Variants in WNT2B observed in about 807,000 individuals in gnomAD.
WNT2B encodes the protein Wnt family member 2B.
A neutral mutation model predicts 40.5 loss-of-function variants in WNT2B; 19 were observed. The ratio of observed to expected loss-of-function variants is 0.47; its 90% CI spans 0.33 to 0.69. The LOEUF (loss-of-function observed/expected upper bound fraction) is 0.69. Ranked by LOEUF, WNT2B falls within the 30% of genes least tolerant of loss-of-function variation. WNT2B has a pLI of 0.02. For missense variants in WNT2B, 467 were observed against 556.4 expected (o/e 0.84, Z 1.62); for synonymous variants, 220 against 211.9 (o/e 1.04, Z -0.33).
intron 4 of WNT2B, among the ~76,000 whole-genome samples, chr1:112,518,696 T>C (rs1557923674): frequency 6.6e-6 from 1 of 152,144 alleles, no homozygotes; most frequent in South Asian, 2.1e-4. Context: ...GGAAGGAACT[T>C]TGGAGTTAGG....
chr1:112,473,963 G>A (rs761693306), intron 1 of WNT2B, among the ~76,000 whole-genome samples: 1 of 149,482 alleles, frequency 6.7e-6, no homozygotes, highest in Non-Finnish European at 1.5e-5. Flanking sequence ...TACTCGGGAA[G>A]CTGAGGCAGG....
rs1654100128 is a variant in WNT2B, at chr1:112,529,924, T to A, written c.*9415T>A. ...TTGAACAGGAATGCAGATGAATGGA[T>A]GAAAGTGGGCTCCCTACCACCCAGA... On this transcript the variant is annotated 3_prime_UTR_variant, in exon 5 of 5. Coordinates refer to ENST00000369684, the MANE Select transcript of WNT2B (RefSeq NM_024494.3). The A allele has an allele frequency of 6.6e-6, 1 of 152,180 alleles. No individual in the cohort carries two copies. The highest frequency in any genetic ancestry group is 1.5e-5 in the Non-Finnish European group (1 of 68,038). 9.4% of individuals were successfully genotyped at this position (152,180 alleles called of 1,614,324 possible).
intron 1 of WNT2B, among the ~76,000 whole-genome samples, chr1:112,471,984 A>G (rs141978628): frequency 6.2e-4 from 95 of 152,368 alleles, no homozygotes; most frequent in Non-Finnish European, 1.2e-3. Flanking sequence ...AAAGATAGAT[A>G]TATGGTTTTT....
chr1:112,485,039 G>A (rs948410637), intron 1 of WNT2B, among the ~76,000 whole-genome samples: 3 of 152,122 alleles, frequency 2.0e-5, no homozygotes, highest in African/African-American at 7.2e-5. Flanking sequence ...CTTTTTTGTA[G>A]AAATTGACAA....
At chr1:112,502,945 TTGAG>T (rs1368631314) in intron 1 of WNT2B, among the ~76,000 whole-genome samples, 3 of 152,110 alleles carry the variant, frequency 2.0e-5, no homozygotes, top group Admixed American at 6.5e-5. Flanking sequence ...GAGGAGAACT[TTGAG>T]TGTCCTGCCT....
intron 1 of WNT2B, among the ~76,000 whole-genome samples, chr1:112,496,495 T>C (rs1651774694): frequency 6.6e-6 from 1 of 152,168 alleles, no homozygotes; most frequent in Non-Finnish European, 1.5e-5. Flanking sequence ...GCATGATTCA[T>C]CCTGAGGCAA....
At chr1:112,492,798 T>C (rs1471032358) in intron 1 of WNT2B, among the ~76,000 whole-genome samples, 1 of 152,172 alleles carries the variant, frequency 6.6e-6, no homozygotes, top group Admixed American at 6.6e-5. Flanking sequence ...AACCATCCTA[T>C]ACTACCTAAG....
chr1:112,530,058 G>A lies in WNT2B; in HGVS notation c.*9549G>A, dbSNP rs1464535828. On this transcript the variant is annotated 3_prime_UTR_variant, in exon 5 of 5. Coordinates refer to ENST00000369684, the MANE Select transcript of WNT2B (RefSeq NM_024494.3). ...GGAGATGTGTATTTTGTTAACCTAG[G>A]CAAAGAATAACAATTTCTGCTTATT... The A allele has an allele frequency of 6.6e-6, 1 of 152,164 alleles. No individual in the cohort carries two copies. The highest frequency in any genetic ancestry group is 1.5e-5 in the Non-Finnish European group (1 of 68,038). 9.4% of individuals were successfully genotyped at this position (152,164 alleles called of 1,614,324 possible).
At chr1:112,517,036 G>C in intron 3 of WNT2B, 85 bp from the exon 4 acceptor site, 1 of 1,535,380 alleles carries the variant, frequency 6.5e-7, no homozygotes, top group Non-Finnish European at 8.8e-7. Flanking sequence ...GCCTATCTCA[G>C]AGCACTCATC....
At chr1:112,469,640 G>A (rs1327716681) in intron 1 of WNT2B, among the ~76,000 whole-genome samples, 1 of 148,316 alleles carries the variant, frequency 6.7e-6, no homozygotes, top group Non-Finnish European at 1.5e-5. Flanking sequence ...TTTTTTTTGA[G>A]ACGGAGCTCT....
chr1:112,508,993 G>T lies in WNT2B; in HGVS notation c.-270G>T. ...CACTAGGCCCGCAGCTCCCTTCAGC[G>T]CCGCAGACCCCCTGACACCGCACCC... On this transcript the variant is annotated 5_prime_UTR_variant, in exon 1 of 5. Coordinates refer to ENST00000369684, the MANE Select transcript of WNT2B (RefSeq NM_024494.3). This position sits in a 1 kb window ranked among gnomAD's most constrained non-coding sequence, Gnocchi z 4.2. 3.1e-6 allele frequency: 4 copies of T among 1,298,742 alleles called. No individual in the cohort carries two copies. Among genetic ancestry groups the T allele is most frequent in the Non-Finnish European group, 3.9e-6 (4 of 1,029,516 alleles). The allele number at this position is 1,298,742 out of a possible 1,614,324, so 80.5% of individuals were successfully genotyped here.
At chr1:112,478,876 T>C (rs776626238) in intron 1 of WNT2B, among the ~76,000 whole-genome samples, 22 of 151,942 alleles carry the variant, frequency 1.4e-4, no homozygotes, top group Non-Finnish European at 2.9e-4. Flanking sequence ...TGAGGCATGA[T>C]CACACCACAG....
At chr1:112,471,421 T>A (rs1000895501) in intron 1 of WNT2B, among the ~76,000 whole-genome samples, 1 of 152,226 alleles carries the variant, frequency 6.6e-6, no homozygotes, top group Non-Finnish European at 1.5e-5. Flanking sequence ...GTATTTCCCA[T>A]AACTTCTCTG....
chr1:112,499,651 A>T (rs1651886441), intron 1 of WNT2B, among the ~76,000 whole-genome samples: 1 of 152,230 alleles, frequency 6.6e-6, no homozygotes. Context: ...CAATTTGATT[A>T]AAAAACAGGT....
Position 112,478,878 on chromosome 1 carries a change from A to G in WNT2B, c.-95+11287A>G, listed in dbSNP as rs1651131899. On this transcript the variant is annotated intron_variant, in intron 1 of 4. Transcript: ENST00000256640. ...TTTGAAGTTGCAGTGAGGCATGATC[A>G]CACCACAGCACTCTAGCTTGGGCAA... is the stretch of plus-strand genomic sequence containing the variant. Among the ~76,000 whole-genome samples, 4 of 151,854 alleles carry G rather than the reference A, an allele frequency of 2.6e-5. No individual in the cohort carries two copies. The South Asian group carries it at 8.4e-4, about 32-fold the overall frequency.
rs976788077 is a variant in WNT2B at position 112,525,703 on chromosome 1, A to G, written c.*5194A>G. Reference sequence around the variant, plus strand: ...CATTAGAGTTCTTTCTCTTTGACCAAAGGAGCCAAAATGCGGTGACTTGAC... The same window carrying G: ...CATTAGAGTTCTTTCTCTTTGACCAGAGGAGCCAAAATGCGGTGACTTGAC... On this transcript the variant is annotated 3_prime_UTR_variant, in exon 5 of 5. Transcript: ENST00000369684. 10 of 235,488 alleles carry G rather than the reference A, an allele frequency of 4.2e-5. No individual in the cohort carries two copies. In the Admixed American group the frequency reaches 5.0e-4, roughly 12 times the overall value. The allele number at this position is 235,488 out of a possible 1,614,324, so 14.6% of individuals were successfully genotyped here. A position where few individuals can be genotyped will look rare whatever the true frequency, so the allele number is the denominator to read the frequency against.
intron 1 of WNT2B, among the ~76,000 whole-genome samples, chr1:112,479,992 G>A (rs866226224): frequency 3.3e-5 from 5 of 151,888 alleles, no homozygotes; most frequent in African/African-American, 7.3e-5. Context: ...GATTACAGAC[G>A]TGAGCCACTG....
intron 1 of WNT2B, among the ~76,000 whole-genome samples, chr1:112,469,894 G>A (rs1332447643): frequency 1.3e-5 from 2 of 152,316 alleles, no homozygotes; most frequent in Non-Finnish European, 2.9e-5. Flanking sequence ...GATTACAGGT[G>A]TGAGTCGCCG....
At chr1:112,519,898 C>CAA (rs987725277) in intron 4 of WNT2B, among the ~76,000 whole-genome samples, 2 of 77,124 alleles carry the variant, frequency 2.6e-5, no homozygotes, top group African/African-American at 8.9e-5. Context: ...TTTTTGGAGA[C>CAA]AGAGTTTCAC....
Sources: gnomAD v4.1 joint callset for allele counts (sites outside exome capture counted in the v4.1 genomes callset) on GRCh38, gnomAD v4.1.1 for gene constraint, Gnocchi (gnomAD v3.1) non-coding constraint, MANE v1.5 for transcripts, NCBI Gene and HGNC (gene_info 2026-07-23, HGNC 2026-07-21) for gene names.